The following ZNF804B variants were observed in gnomAD, a reference collection of about 807,000 sequenced individuals.
The protein encoded by ZNF804B is zinc finger protein 804B, also known as zinc finger 804B.
ZNF804B carries 80 observed loss-of-function variants against 101.4 expected under a neutral mutation model. That is an observed-to-expected ratio of 0.79 (90% CI 0.66 to 0.95). The LOEUF (loss-of-function observed/expected upper bound fraction) is 0.95. Ranked by LOEUF, ZNF804B falls within the 40% of genes least tolerant of loss-of-function variation. The pLI is 0.00. For missense variants in ZNF804B, 1,673 were observed against 1,561.9 expected (o/e 1.07, Z -1.20); for synonymous variants, 622 against 558.8 (o/e 1.11, Z -1.59).
In ZNF804B at chr7:89,229,088, C is replaced by T. The variant is rs377237283; in HGVS notation, c.249+10793C>T. Among the ~76,000 whole-genome samples the T allele has an allele frequency of 1.8e-3, 271 of 152,318 alleles. 1 individual carries two copies. The highest frequency in any genetic ancestry group is 4.4e-3 in the African/African-American group (183 of 41,582). ...GGCACGCAAGCACCACGCACAGACC[C>T]GGTTCCCGCCCGCGCCTCTCCCTCC... On this transcript the variant is annotated intron_variant, in intron 2 of 3. Transcript: ENST00000333190.
intron 1 of ZNF804B, among the ~76,000 whole-genome samples, chr7:88,855,855 A>G (rs2115843353): frequency 6.6e-6 from 1 of 152,328 alleles, no homozygotes; most frequent in East Asian, 1.9e-4. Flanking sequence ...CATTTATTAA[A>G]TAGGGAATCC....
intron 1 of ZNF804B, among the ~76,000 whole-genome samples, chr7:88,937,101 A>C (rs1056230760): frequency 1.1e-4 from 16 of 146,696 alleles, no homozygotes; most frequent in African/African-American, 3.8e-4. Context: ...GCTTTGAAAA[A>C]ACTATGAGAA....
intron 1 of ZNF804B, among the ~76,000 whole-genome samples, chr7:88,777,298 T>G (rs1418611673): frequency 6.6e-6 from 1 of 152,152 alleles, no homozygotes; most frequent in Non-Finnish European, 1.5e-5. Flanking sequence ...GCTAAGGCAG[T>G]TGGACACAGA....
intron 1 of ZNF804B, among the ~76,000 whole-genome samples, chr7:89,181,199 G>C (rs1788290810): frequency 6.6e-6 from 1 of 151,882 alleles, no homozygotes; most frequent in Admixed American, 6.6e-5. Flanking sequence ...TGCCCCAGTT[G>C]GTGTCTCACT....
chr7:88,819,626 G>C (rs7786792), intron 1 of ZNF804B, among the ~76,000 whole-genome samples: 66,074 of 151,846 alleles, frequency 0.44, 15,187 homozygotes, highest in East Asian at 0.81. Context: ...AGTGCTAAGT[G>C]TATACACTTT....
intron 1 of ZNF804B, among the ~76,000 whole-genome samples, chr7:88,992,694 C>A (rs560093528): frequency 6.6e-6 from 1 of 152,162 alleles, no homozygotes; most frequent in East Asian, 1.9e-4. Context: ...TCTACAAAAT[C>A]TTTTTGTTAC....
At chr7:89,054,761 T>A (rs533549012) in intron 1 of ZNF804B, among the ~76,000 whole-genome samples, 1 of 152,166 alleles carries the variant, frequency 6.6e-6, no homozygotes, top group African/African-American at 2.4e-5. Context: ...GTCAGGTGGT[T>A]TACAAAAGGT....
intron 1 of ZNF804B, among the ~76,000 whole-genome samples, chr7:88,980,521 A>G (rs1004756892): frequency 1.3e-5 from 2 of 152,128 alleles, no homozygotes; most frequent in African/African-American, 2.4e-5. Flanking sequence ...CATATCTGCA[A>G]TAGGAGGCAC....
At chr7:89,327,271 T>C in intron 2 of ZNF804B, 73 bp from the exon 3 acceptor site, 1 of 1,414,134 alleles carries the variant, frequency 7.1e-7, no homozygotes, top group Non-Finnish European at 9.4e-7. Context: ...TAAAGAATAA[T>C]AAGGAGCCTT....
intron 2 of ZNF804B, among the ~76,000 whole-genome samples, chr7:89,259,527 A>G (rs1328873791): frequency 2.0e-5 from 3 of 152,176 alleles, no homozygotes; most frequent in Non-Finnish European, 4.4e-5. Context: ...TTCATGATGT[A>G]TTCTCTATCA....
At chr7:88,981,022 T>A (rs1480445756) in intron 1 of ZNF804B, among the ~76,000 whole-genome samples, 1 of 152,010 alleles carries the variant, frequency 6.6e-6, no homozygotes, top group African/African-American at 2.4e-5. Flanking sequence ...ACACCCAAAC[T>A]CTAAGACAAA....
chr7:89,043,473 G>T (rs546217115), intron 1 of ZNF804B, among the ~76,000 whole-genome samples: 9 of 152,048 alleles, frequency 5.9e-5, no homozygotes, highest in Non-Finnish European at 1.3e-4. Context: ...TAACAAAATG[G>T]AATATTTTCT....
chr7:89,129,189 G>A (rs1440458173), intron 1 of ZNF804B, among the ~76,000 whole-genome samples: 1 of 151,910 alleles, frequency 6.6e-6, no homozygotes, highest in East Asian at 1.9e-4. Context: ...TTTACGTTCA[G>A]TGCCCCCTCC....
At chr7:88,949,039 T>G (rs986875442) in intron 1 of ZNF804B, among the ~76,000 whole-genome samples, 5 of 149,480 alleles carry the variant, frequency 3.3e-5, no homozygotes, top group Admixed American at 1.3e-4. Context: ...CGTTGGTGTG[T>G]TTTTTTTTTA....
chr7:89,264,679 G>A (rs889783765), intron 2 of ZNF804B, among the ~76,000 whole-genome samples: 11 of 152,066 alleles, frequency 7.2e-5, no homozygotes, highest in African/African-American at 2.4e-4. Context: ...GCTACATTGT[G>A]TGATCTCAAG....
At chr7:88,819,228 A>G (rs146688665) in intron 1 of ZNF804B, among the ~76,000 whole-genome samples, 4,101 of 152,040 alleles carry the variant, frequency 0.027, 162 homozygotes, top group African/African-American at 0.081. Flanking sequence ...GGTTCAAGCA[A>G]TTCTCCTGCC....
At chr7:89,037,204 C>T (rs1022087347) in intron 1 of ZNF804B, among the ~76,000 whole-genome samples, 18 of 152,000 alleles carry the variant, frequency 1.2e-4, no homozygotes, top group African/African-American at 4.1e-4. Context: ...GTTGACCTGC[C>T]AGAATGAGTT....
At chr7:89,322,908 C>G (rs538365550) in intron 2 of ZNF804B, among the ~76,000 whole-genome samples, 1 of 152,124 alleles carries the variant, frequency 6.6e-6, no homozygotes, top group Non-Finnish European at 1.5e-5. Flanking sequence ...ATAAAACATT[C>G]TCTAACTCAT....
At chr7:88,796,938 A>G (rs913130795) in intron 1 of ZNF804B, among the ~76,000 whole-genome samples, 13 of 152,094 alleles carry the variant, frequency 8.5e-5, no homozygotes, top group Admixed American at 6.6e-4. Context: ...GAAAAAACTG[A>G]GCTCCCATTC....
Sources: gnomAD v4.1 joint callset for allele counts (sites outside exome capture counted in the v4.1 genomes callset) on GRCh38, gnomAD v4.1.1 for gene constraint, MANE v1.5 for transcripts, NCBI Gene and HGNC (gene_info 2026-07-23, HGNC 2026-07-21) for gene names.